The following BMP2K variants were observed in gnomAD, a reference collection of about 807,000 sequenced individuals.
The protein encoded by BMP2K is BMP2 inducible kinase, also known as BMP-2-inducible protein kinase.
A neutral mutation model predicts 116.0 loss-of-function variants in BMP2K; 74 were observed. That is an observed-to-expected ratio of 0.64 (90% CI 0.53 to 0.77). The LOEUF is 0.77. Among genes scored for constraint, BMP2K ranks in the 30% least tolerant of loss-of-function variants. BMP2K has a pLI of 0.00. For synonymous variants in BMP2K, 486 were observed against 502.5 expected (o/e 0.97, Z 0.44); for missense variants, 1,365 against 1,403.6 (o/e 0.97, Z 0.44).
chr4:78,901,408 T>A (rs1733999739), intron 15 of BMP2K, among the ~76,000 whole-genome samples: 2 of 152,142 alleles, frequency 1.3e-5, no homozygotes, highest in African/African-American at 4.8e-5. Flanking sequence ...TACTGGCTAC[T>A]TGATAAGAAA....
intron 1 of BMP2K, among the ~76,000 whole-genome samples, chr4:78,824,892 T>C (rs1729794423): frequency 2.6e-5 from 4 of 152,262 alleles, no homozygotes; most frequent in Admixed American, 2.6e-4. Context: ...GATAAGATGC[T>C]TTCTCAGCTG....
chr4:78,861,212 G>C (rs1199537811), intron 8 of BMP2K, among the ~76,000 whole-genome samples, 177 bp from the exon 9 acceptor site: 1 of 151,868 alleles, frequency 6.6e-6, no homozygotes, highest in African/African-American at 2.4e-5. Flanking sequence ...GTAACATGTA[G>C]TGATATTTGC....
chr4:78,877,732 A>T lies in BMP2K; in HGVS notation c.1794-1002A>T, dbSNP rs183509166. Among the ~76,000 whole-genome samples, 4 of 152,372 alleles carry T rather than the reference A, an allele frequency of 2.6e-5. No individual in the cohort carries two copies. In the East Asian group the frequency reaches 7.7e-4, roughly 29 times the overall value. ...ACAGTCATTATCAAATATGCACTGT[A>T]CACAATTGTATTGCTATACTTTTAT... On this transcript the variant is annotated intron_variant, in intron 13 of 15. Coordinates refer to ENST00000502613, the MANE Select transcript of BMP2K (RefSeq NM_198892.2).
chr4:78,876,148 A>C (rs1732620135), intron 13 of BMP2K, among the ~76,000 whole-genome samples: 1 of 152,206 alleles, frequency 6.6e-6, no homozygotes, highest in Non-Finnish European at 1.5e-5. Flanking sequence ...TATTTTGGGA[A>C]TAGGAAGAGG....
intron 1 of BMP2K, among the ~76,000 whole-genome samples, chr4:78,790,193 A>G (rs1325670625): frequency 6.6e-6 from 1 of 152,174 alleles, no homozygotes; most frequent in Non-Finnish European, 1.5e-5. Flanking sequence ...ATACACAGGC[A>G]AGTAAAAAGT....
chr4:78,865,766 TA>T, intron 10 of BMP2K, 46 bp downstream of exon 10: 1 of 1,574,748 alleles, frequency 6.4e-7, no homozygotes, highest in Non-Finnish European at 8.7e-7. Context: ...TTAATGTTAA[TA>T]AACCTTTCAT....
chr4:78,869,209 A>G (rs980348287), intron 10 of BMP2K, among the ~76,000 whole-genome samples: 12 of 152,022 alleles, frequency 7.9e-5, no homozygotes, highest in Non-Finnish European at 1.8e-4. Flanking sequence ...CAGGCTCAAC[A>G]CCAAATGGAA....
chr4:78,853,017 A>C (rs2110035843), intron 7 of BMP2K, among the ~76,000 whole-genome samples: 1 of 152,294 alleles, frequency 6.6e-6, no homozygotes, highest in South Asian at 2.1e-4. Context: ...CTTTTAAATA[A>C]ATCCTACATT....
chr4:78,829,787 T>TTTCTTTTCTTTTCTCTTTTCTC (rs71216237), intron 2 of BMP2K, among the ~76,000 whole-genome samples: 38 of 86,638 alleles, frequency 4.4e-4, no homozygotes, highest in South Asian at 9.3e-4. Context: ...TTTCTTTTCT[T>TTTCTTTTCTTTTCTCTTTTCTC]TTCTCTTCTC....
At chr4:78,870,202 T>C (rs1458207605) in intron 10 of BMP2K, among the ~76,000 whole-genome samples, 4 of 152,206 alleles carry the variant, frequency 2.6e-5, no homozygotes, top group African/African-American at 9.6e-5. Flanking sequence ...ACAGTGAGCA[T>C]TTATTAATCA....
Position 78,911,692 on chromosome 4 carries a change from C to T in BMP2K, c.3145C>T (p.Leu1049=), listed in dbSNP as rs775170361. The part of the protein sequence containing the change: ...SDSKENISVA[L]TDGKDRGNVL... The stretch of plus-strand genomic sequence containing the variant: ...CTCCAAGGAGAACATTAGTGTTGCA[C>T]TGACTGATGGGAAAGATAGGGGGAA... The change falls in exon 16 of 16, where the codon CTG becomes TTG. Residue 1049 remains leucine (L), a synonymous_variant. Coordinates refer to ENST00000502613, the MANE Select transcript of BMP2K (RefSeq NM_198892.2). The T allele has an allele frequency of 6.2e-7, 1 of 1,613,944 alleles. No homozygotes were observed. Among genetic ancestry groups the T allele is most frequent in the Non-Finnish European group, 8.5e-7 (1 of 1,179,870 alleles).
intron 6 of BMP2K, among the ~76,000 whole-genome samples, chr4:78,849,038 TATGATATTGAGGC>T: frequency 6.6e-6 from 1 of 151,576 alleles, no homozygotes; most frequent in Non-Finnish European, 1.5e-5. Context: ...TTCAGAGAGT[TATGATATTGAGGC>T]ATGATATTGA....
chr4:78,792,476 G>T (rs1728050029), intron 1 of BMP2K, among the ~76,000 whole-genome samples: 1 of 152,162 alleles, frequency 6.6e-6, no homozygotes, highest in African/African-American at 2.4e-5. Context: ...ATATTTGGCA[G>T]ACATTTTCTT....
intron 13 of BMP2K, among the ~76,000 whole-genome samples, chr4:78,876,698 A>AC (rs1260713228): frequency 6.6e-6 from 1 of 152,224 alleles, no homozygotes; most frequent in Non-Finnish European, 1.5e-5. Flanking sequence ...CTTCATTACT[A>AC]CTGTTAAGAG....
chr4:78,823,065 A>G (rs754044415), intron 1 of BMP2K, among the ~76,000 whole-genome samples: 5 of 152,170 alleles, frequency 3.3e-5, no homozygotes, highest in Non-Finnish European at 7.4e-5. Flanking sequence ...AAGCAGATAC[A>G]ATTAACGATC....
chr4:78,835,585 C>T (rs1440631442), intron 3 of BMP2K, among the ~76,000 whole-genome samples: 3 of 148,292 alleles, frequency 2.0e-5, no homozygotes, highest in East Asian at 2.0e-4. Flanking sequence ...GCCGAGATCG[C>T]GCCACTGCAC....
At chr4:78,873,627 A>G (rs977337188) in intron 13 of BMP2K, among the ~76,000 whole-genome samples, 3 of 151,770 alleles carry the variant, frequency 2.0e-5, no homozygotes, top group East Asian at 1.9e-4. Flanking sequence ...GAGCTAAAGT[A>G]TGCAGTTTGC....
intron 1 of BMP2K, among the ~76,000 whole-genome samples, chr4:78,815,703 T>G (rs1729304679): frequency 6.6e-6 from 1 of 152,132 alleles, no homozygotes; most frequent in Non-Finnish European, 1.5e-5. Context: ...CACATTTCCT[T>G]TATACATTTT....
chr4:78,838,681 G>C (rs1444816806), intron 3 of BMP2K, among the ~76,000 whole-genome samples: 1 of 152,200 alleles, frequency 6.6e-6, no homozygotes, highest in Non-Finnish European at 1.5e-5. Context: ...CCTATATAAT[G>C]TATACAGTTC....
Sources: allele counts gnomAD v4.1 joint callset (sites outside exome capture counted in the v4.1 genomes callset), GRCh38; gene constraint gnomAD v4.1.1; transcripts MANE v1.5; gene names NCBI Gene and HGNC (gene_info 2026-07-23, HGNC 2026-07-21).